MRTFA: variants seen among roughly 807,000 people sequenced by gnomAD.
MRTFA encodes the protein myocardin related transcription factor A, also known as myocardin-related transcription factor A.
In MRTFA, 20 loss-of-function variants were observed where a neutral mutation model predicts 83.5. The ratio of observed to expected loss-of-function variants is 0.24; its 90% CI spans 0.17 to 0.35. The LOEUF is 0.35. MRTFA is among the 10% of genes least tolerant of loss of function. The pLI, the probability that MRTFA is intolerant of heterozygous loss-of-function variation, is 1.00. For missense variants in MRTFA, 1,200 were observed against 1,224.7 expected, an observed-to-expected ratio of 0.98 and a Z score of 0.30; for synonymous variants, 659 against 541.2, an observed-to-expected ratio of 1.22 and a Z score of -3.02.
intron 3 of MRTFA, among the ~76,000 whole-genome samples, chr22:40,515,446 C>A (rs563903524): frequency 1.3e-5 from 2 of 152,030 alleles, no homozygotes; most frequent in Admixed American, 6.6e-5. Context: ...GTAATCCCAG[C>A]GCTTTGGGAG....
chr22:40,416,842 G>A lies in MRTFA; in HGVS notation c.2578+144C>T. On this transcript the variant is annotated intron_variant, in intron 14 of 14. Transcript: ENST00000355630. The surrounding 1 kb of genome is among the most constrained non-coding windows in gnomAD (Gnocchi z 4.2). ...CTCGCCCAGGCCTTGGAGACGGGAG[G>A]GCTCACAGCCACCACTGCATCCACA... 4.0e-6 allele frequency: 3 copies of A among 758,082 alleles called. No homozygotes were observed. The highest frequency in any genetic ancestry group is 6.5e-6 in the Non-Finnish European group (3 of 462,996). 47.0% of individuals were successfully genotyped at this position (758,082 alleles called of 1,614,324 possible).
chr22:40,464,171 C>T (rs1157438951), intron 3 of MRTFA, among the ~76,000 whole-genome samples: 3 of 151,386 alleles, frequency 2.0e-5, no homozygotes, highest in Non-Finnish European at 4.4e-5. Context: ...TGTGGTGGTG[C>T]GCGCCTGTAG....
At chr22:40,541,759 C>G (rs1039343240) in intron 3 of MRTFA, among the ~76,000 whole-genome samples, 1 of 150,190 alleles carries the variant, frequency 6.7e-6, no homozygotes, top group East Asian at 2.0e-4. Flanking sequence ...CTCCGCCTCC[C>G]GGGTTCAAGC....
chr22:40,560,892 G>A (rs1044600836), intron 2 of MRTFA, among the ~76,000 whole-genome samples: 2 of 152,106 alleles, frequency 1.3e-5, no homozygotes, highest in African/African-American at 4.8e-5. Flanking sequence ...TTAGAAGAAT[G>A]GAAGAACGTA....
chr22:40,417,438 T>C lies in MRTFA; in HGVS notation c.2420A>G (p.Glu807Gly), dbSNP rs1356873852. Residue 807 changes from glutamate (E) to glycine (G), a missense_variant, in exon 13 of 15, where the codon GAG (glutamate) becomes GGG (glycine). Glu to Gly is a moderately conservative substitution (Grantham distance 98). Coordinates refer to ENST00000355630, the MANE Select transcript of MRTFA (RefSeq NM_020831.6). ...CCCAAAGAGGGGCTGCAGTGGGTGC[T>C]CCAGGTCCATCTGGGCAGAGGGGGC... The C allele has an allele frequency of 2.5e-6, 4 of 1,605,524 alleles. No homozygotes were observed. In the Admixed American group the frequency reaches 6.8e-5, roughly 27 times the overall value.
In MRTFA at chr22:40,420,447, A is replaced by C; in HGVS notation, c.1311T>G (p.Thr437=). The C allele has an allele frequency of 6.2e-7, 1 of 1,613,670 alleles. No homozygotes were observed. Among genetic ancestry groups the C allele is most frequent in the Non-Finnish European group, 8.5e-7 (1 of 1,180,008 alleles). The change falls in exon 11 of 15, where the codon ACT becomes ACG. Residue 437 remains threonine (T), a synonymous_variant. Transcript: ENST00000355630. ...TGGCCGGCAGGGCTCCCGGCTTGCCAGTCAGTGAGGTGCTGTTCTGACGTG... is the reference window on the plus strand; with the variant it reads ...TGGCCGGCAGGGCTCCCGGCTTGCCCGTCAGTGAGGTGCTGTTCTGACGTG...
intron 3 of MRTFA, among the ~76,000 whole-genome samples, chr22:40,518,893 T>C (rs531329296): frequency 2.6e-5 from 4 of 151,824 alleles, no homozygotes; most frequent in Admixed American, 2.6e-4. Context: ...AATATATTTA[T>C]TTTTGCTGGA....
chr22:40,519,650 A>T, intron 3 of MRTFA: 2 of 1,247,568 alleles, frequency 1.6e-6, no homozygotes, highest in Non-Finnish European at 2.1e-6. Context: ...TAAAAGCAAT[A>T]GAATGTTCCA....
chr22:40,547,853 C>CAAAAAAAAAA (rs1056609474), intron 3 of MRTFA, among the ~76,000 whole-genome samples: 1 of 51,276 alleles, frequency 2.0e-5, no homozygotes, highest in Admixed American at 2.1e-4. Context: ...GACTGTCTCC[C>CAAAAAAAAAA]AAAAAAAAAA....
At chr22:40,464,122 GA>G (rs1487732005) in intron 3 of MRTFA, among the ~76,000 whole-genome samples, 1 of 151,782 alleles carries the variant, frequency 6.6e-6, no homozygotes, top group African/African-American at 2.4e-5. Flanking sequence ...CCAAGACAGT[GA>G]AACCCCATCT....
intron 5 of MRTFA, among the ~76,000 whole-genome samples, chr22:40,432,234 G>A (rs936991023): frequency 7.9e-5 from 12 of 151,752 alleles, no homozygotes; most frequent in Admixed American, 3.3e-4. Flanking sequence ...CAACAAGAGC[G>A]AAACTCCGTC....
intron 8 of MRTFA, among the ~76,000 whole-genome samples, chr22:40,423,943 G>C (rs2052897583): frequency 6.6e-6 from 1 of 152,186 alleles, no homozygotes; most frequent in African/African-American, 2.4e-5. Context: ...ATACAGACTG[G>C]GCCAGTGACG....
chr22:40,463,358 A>G (rs1020619273), intron 3 of MRTFA, 72 bp from the exon 4 acceptor site: 1 of 1,341,122 alleles, frequency 7.5e-7, no homozygotes, highest in Non-Finnish European at 1.1e-6. Flanking sequence ...CACATTTTCA[A>G]ACGCAAAAAA....
intron 3 of MRTFA, among the ~76,000 whole-genome samples, chr22:40,492,289 T>C (rs1027467584): frequency 6.6e-6 from 1 of 152,166 alleles, no homozygotes; most frequent in Non-Finnish European, 1.5e-5. Flanking sequence ...AACAGTTAGA[T>C]CCCAAGTTTA....
intron 3 of MRTFA, among the ~76,000 whole-genome samples, chr22:40,492,248 C>A (rs1026139939): frequency 1.3e-5 from 2 of 152,198 alleles, no homozygotes; most frequent in African/African-American, 4.8e-5. Flanking sequence ...TTAAAGTGGG[C>A]ACTTCATTCT....
intron 2 of MRTFA, among the ~76,000 whole-genome samples, chr22:40,579,741 T>C (rs571055059): frequency 5.9e-5 from 9 of 151,814 alleles, no homozygotes; most frequent in Non-Finnish European, 1.0e-4. Context: ...GCGCCTATAA[T>C]CCCAGCTACT....
rs769951990 is a variant in MRTFA at position 40,418,438 on chromosome 22, A to C, written c.2300T>G (p.Leu767Arg). The change falls in exon 12 of 15, where the codon CTT becomes CGT. Residue 767 changes from leucine to arginine, a missense_variant. By Grantham distance (102) the Leu-to-Arg change is moderately radical. Transcript: ENST00000355630. ...ATTCTTATTGGTCACGGTGAGGACA[A>C]GGTGGGTCCCTGTGGAGTCGGTGAT... 7 of 1,613,942 alleles carry C rather than the reference A, an allele frequency of 4.3e-6. No individual in the cohort carries two copies. The African/African-American group carries it at 6.7e-5, about 15-fold the overall frequency.
chr22:40,438,941 C>T (rs2053222513), intron 4 of MRTFA, among the ~76,000 whole-genome samples: 1 of 152,160 alleles, frequency 6.6e-6, no homozygotes, highest in Non-Finnish European at 1.5e-5. Context: ...GGATTAATAT[C>T]TGTTGGATGC....
At chr22:40,634,865 A>G (rs372525244) in intron 1 of MRTFA, among the ~76,000 whole-genome samples, 5 of 152,202 alleles carry the variant, frequency 3.3e-5, no homozygotes, top group Non-Finnish European at 1.5e-5. Context: ...ACTCTCCAAT[A>G]AATACTTTTG....
Sources: allele counts gnomAD v4.1 joint callset (sites outside exome capture counted in the v4.1 genomes callset), GRCh38; gene constraint gnomAD v4.1.1; non-coding constraint Gnocchi (gnomAD v3.1); transcripts MANE v1.5; gene names NCBI Gene and HGNC (gene_info 2026-07-23, HGNC 2026-07-21).